Variants in NCAM1 observed in about 807,000 individuals in gnomAD.
NCAM1 encodes the protein antigen recognized by monoclonal antibody 5.1H11.
Under a neutral mutation model 109.8 loss-of-function variants are expected in NCAM1, and 14 were observed. That is an observed-to-expected ratio of 0.13 (90% confidence interval 0.08 to 0.20). The LOEUF (loss-of-function observed/expected upper bound fraction) is 0.20. Ranked by LOEUF, NCAM1 falls within the 10% of genes least tolerant of loss-of-function variation. NCAM1 has a pLI of 1.00. For synonymous variants in NCAM1, 418 were observed against 442.9 expected, an observed-to-expected ratio of 0.94 and a Z score of 0.70; for missense variants, 774 against 1,109.9, an observed-to-expected ratio of 0.70 and a Z score of 4.30.
At position 113,242,740 on chromosome 11, in the gene NCAM1, GTTTAA is replaced by G. The variant is rs1188285391; in HGVS notation, c.1826-3623_1826-3619del. The G allele has an allele frequency of 1.2e-5, 18 of 1,442,222 alleles. No individual in the cohort carries two copies. In the African/African-American group the frequency reaches 1.3e-4, roughly 10 times the overall value. 89.3% of individuals were successfully genotyped at this position (1,442,222 alleles called of 1,614,324 possible). ...TGTATGTATACATATATAGCTATGA[GTTTAA>G]TTTATCTCCATTCTCTCCTTCACCT... On this transcript the variant is annotated intron_variant, in intron 14 of 19. Coordinates refer to ENST00000316851, the MANE Select transcript of NCAM1 (RefSeq NM_181351.5).
chr11:113,103,102 GCA>G (rs1939947324), intron 1 of NCAM1, among the ~76,000 whole-genome samples: 1 of 152,192 alleles, frequency 6.6e-6, no homozygotes, highest in Non-Finnish European at 1.5e-5. Context: ...ATAAACACAT[GCA>G]ATTAATGAAA....
chr11:113,103,395 G>A (rs1450193278), intron 1 of NCAM1, among the ~76,000 whole-genome samples: 1 of 152,182 alleles, frequency 6.6e-6, no homozygotes, highest in Non-Finnish European at 1.5e-5. Flanking sequence ...ATGCTAATTT[G>A]TGGGCAGCTA....
chr11:113,231,340 CCAAA>C lies in NCAM1; in HGVS notation c.1090-300_1090-297del, dbSNP rs1207401987. ...AGGCTTTGCTTCCATTTTAGACATC[CCAAA>C]CAAAGTCATCTTGGGGGACCTAGCC... is the stretch of plus-strand genomic sequence containing the variant. On this transcript the variant is annotated intron_variant, in intron 9 of 19. Coordinates refer to ENST00000316851, the MANE Select transcript of NCAM1 (RefSeq NM_181351.5). The C allele has an allele frequency of 5.3e-6, 8 of 1,512,408 alleles. No homozygotes were observed. In the African/African-American group the frequency reaches 6.9e-5, roughly 13 times the overall value. 93.7% of individuals were successfully genotyped at this position (1,512,408 alleles called of 1,614,324 possible).
chr11:113,239,830 G>A (rs1473519195), intron 14 of NCAM1, among the ~76,000 whole-genome samples: 1 of 152,152 alleles, frequency 6.6e-6, no homozygotes, highest in Non-Finnish European at 1.5e-5. Context: ...GGTTTAATGA[G>A]ATGCCCTCAT....
At chr11:113,256,033 A>T in intron 16 of NCAM1, 32 bp downstream of exon 16, 2 of 1,573,472 alleles carry the variant, frequency 1.3e-6, no homozygotes, top group Non-Finnish European at 1.7e-6. Flanking sequence ...CTTCACCAGA[A>T]CCCTGCAACC....
chr11:113,016,835 A>T (rs1407656024), intron 1 of NCAM1, among the ~76,000 whole-genome samples: 1 of 152,278 alleles, frequency 6.6e-6, no homozygotes, highest in East Asian at 1.9e-4. Context: ...GAGACAGGGG[A>T]CATGTGTGAA....
At chr11:113,038,380 G>A (rs1467539950) in intron 1 of NCAM1, among the ~76,000 whole-genome samples, 1 of 152,094 alleles carries the variant, frequency 6.6e-6, no homozygotes, top group Non-Finnish European at 1.5e-5. Context: ...ATTATTTGTA[G>A]TTGAAAAGAA....
At chr11:113,035,217 A>G (rs782327460) in intron 1 of NCAM1, among the ~76,000 whole-genome samples, 9 of 152,228 alleles carry the variant, frequency 5.9e-5, no homozygotes, top group Non-Finnish European at 1.2e-4. Flanking sequence ...TAATTCTTCT[A>G]TGAAAACAGC....
chr11:113,274,232 A>T lies in NCAM1; in HGVS notation c.2457-1035A>T, dbSNP rs1324987715. 6.6e-6 allele frequency among the ~76,000 whole-genome samples: 1 copy of T among 151,966 alleles called. No individual in the cohort carries two copies. Among genetic ancestry groups the T allele is most frequent in the African/African-American group, 2.4e-5 (1 of 41,376 alleles). ...GAGGTCCCCTCACACTGTGGCTCAGATGCTCACCCTCCCCTCCCAACCCCG... is the reference window on the plus strand; with the variant it reads ...GAGGTCCCCTCACACTGTGGCTCAGTTGCTCACCCTCCCCTCCCAACCCCG... On this transcript the variant is annotated intron_variant, in intron 19 of 19. Transcript: ENST00000316851. The surrounding 1 kb of genome is among the most constrained non-coding windows in gnomAD (Gnocchi z 4.1).
intron 1 of NCAM1, among the ~76,000 whole-genome samples, chr11:113,125,535 C>T (rs1555096900): frequency 6.6e-6 from 1 of 152,152 alleles, no homozygotes; most frequent in Non-Finnish European, 1.5e-5. Context: ...CCAAGAGTGG[C>T]CCTTTACACG....
rs1950582182 is a variant in NCAM1, at chr11:112,962,155, C to G, written c.52+491C>G. Among the ~76,000 whole-genome samples, 1 of 152,174 alleles carries G rather than the reference C, an allele frequency of 6.6e-6. No homozygotes were observed. Among genetic ancestry groups the G allele is most frequent in the African/African-American group, 2.4e-5 (1 of 41,460 alleles). On this transcript the variant is annotated intron_variant, in intron 1 of 19. Transcript: ENST00000316851. The surrounding 1 kb of genome is among the most constrained non-coding windows in gnomAD (Gnocchi z 5.6). Reference sequence around the variant, plus strand: ...GCCCCAGATCGTTATATTCCTGGGTCTAATAAAGTCAGGATCGCTGCTTTG... The same window carrying G: ...GCCCCAGATCGTTATATTCCTGGGTGTAATAAAGTCAGGATCGCTGCTTTG...
chr11:113,020,968 G>T (rs1221092676), intron 1 of NCAM1, among the ~76,000 whole-genome samples: 3 of 152,080 alleles, frequency 2.0e-5, no homozygotes, highest in African/African-American at 7.2e-5. Context: ...TGTTGGCCAG[G>T]CTGGTCTCCA....
intron 1 of NCAM1, among the ~76,000 whole-genome samples, chr11:112,980,286 A>G (rs1344240077): frequency 2.6e-5 from 4 of 151,880 alleles, no homozygotes; most frequent in Non-Finnish European, 4.4e-5. Context: ...CAAGTCTGGC[A>G]GTTCTTAAAC....
intron 1 of NCAM1, among the ~76,000 whole-genome samples, chr11:113,198,446 A>T (rs1555111271): frequency 6.7e-6 from 1 of 150,096 alleles, no homozygotes; most frequent in Non-Finnish European, 1.5e-5. Context: ...ATCTCGGCTC[A>T]CTGCAACCTC....
intron 7 of NCAM1, among the ~76,000 whole-genome samples, chr11:113,210,603 C>T (rs1033453497): frequency 7.2e-5 from 11 of 152,084 alleles, no homozygotes; most frequent in Admixed American, 2.6e-4. Context: ...CTCTTCCAGA[C>T]CTCTCTGGTG....
intron 1 of NCAM1, among the ~76,000 whole-genome samples, chr11:113,142,737 C>T (rs1319950662): frequency 3.3e-5 from 5 of 152,130 alleles, no homozygotes; most frequent in African/African-American, 9.7e-5. Flanking sequence ...TGTCTTGCCA[C>T]CTTCCGGAAA....
intron 1 of NCAM1, chr11:112,977,312 A>G (rs1403746028): frequency 6.6e-6 from 1 of 151,870 alleles, no homozygotes; most frequent in Non-Finnish European, 1.5e-5. Flanking sequence ...CTTTATAAGC[A>G]TATGTGTAAG....
intron 16 of NCAM1, among the ~76,000 whole-genome samples, chr11:113,256,641 T>A (rs1555122383): frequency 6.6e-6 from 1 of 152,212 alleles, no homozygotes; most frequent in Non-Finnish European, 1.5e-5. Flanking sequence ...GTCCTAATCC[T>A]GCTAACAGCA....
intron 1 of NCAM1, among the ~76,000 whole-genome samples, chr11:113,102,886 A>T (rs1275684049): frequency 6.6e-6 from 1 of 152,196 alleles, no homozygotes; most frequent in Non-Finnish European, 1.5e-5. Flanking sequence ...TTAGAATCTG[A>T]GTTACTTCCT....
Sources: gnomAD v4.1 joint callset for allele counts (sites outside exome capture counted in the v4.1 genomes callset) on GRCh38, gnomAD v4.1.1 for gene constraint, Gnocchi (gnomAD v3.1) non-coding constraint, MANE v1.5 for transcripts, NCBI Gene and HGNC (gene_info 2026-07-23, HGNC 2026-07-21) for gene names.